Variants in EMP2 observed in about 807,000 individuals in gnomAD.
EMP2 encodes the protein epithelial membrane protein 2.
EMP2 carries 19 observed loss-of-function variants against 13.7 expected under a neutral mutation model. The observed-to-expected ratio is 1.38, with a 90% CI of 0.97 to 2.03. EMP2 has a LOEUF of 2.03. EMP2 is among the 30% of genes most tolerant of loss of function. The pLI, the probability that EMP2 is intolerant of heterozygous loss-of-function variation, is 0.00. For synonymous variants in EMP2, 97 were observed against 84.7 expected (o/e 1.15, Z -0.80); for missense variants, 253 against 220.7 (o/e 1.15, Z -0.93).
At chr16:10,537,141 T>C (rs922328756) in intron 4 of EMP2, among the ~76,000 whole-genome samples, 3 of 152,182 alleles carry the variant, frequency 2.0e-5, no homozygotes, top group African/African-American at 4.8e-5. Context: ...CAACTCCTGA[T>C]TGGAAAGCAC....
rs58318805 is a variant in EMP2, at chr16:10,529,931, C to CAAAAAAAAAA, written c.*2964_*2973dup. On this transcript the variant is annotated 3_prime_UTR_variant, in exon 5 of 5. Transcript: ENST00000359543. ...GGGCAACAAGAGCAAAACTCAGTCT[C>CAAAAAAAAAA]AAAAAAAAAAAAAAAAAAGAAAAAG... 1.3e-5 allele frequency: 1 copy of CAAAAAAAAAA among 75,414 alleles called. No individual in the cohort carries two copies. The highest frequency in any genetic ancestry group is 4.3e-5 in the African/African-American group (1 of 23,200). The allele number at this position is 75,414 out of a possible 1,614,324, so 4.7% of individuals were successfully genotyped here. A position where few individuals can be genotyped will look rare whatever the true frequency, so the allele number is the denominator to read the frequency against.
In EMP2 at chr16:10,547,633, C is replaced by T. The variant is rs368745119; in HGVS notation, c.-16G>A. On this transcript the variant is annotated 5_prime_UTR_variant, in exon 2 of 5. Coordinates refer to ENST00000359543, the MANE Select transcript of EMP2 (RefSeq NM_001424.6). Reference sequence around the variant, plus strand: ...GCACCAACATTTTCACAGGGCAGGGCGAGTCGAGGCGAGGGGTCACGTTTA... The same window carrying T: ...GCACCAACATTTTCACAGGGCAGGGTGAGTCGAGGCGAGGGGTCACGTTTA... The T allele has an allele frequency of 2.0e-4, 318 of 1,613,592 alleles. 1 individual carries two copies. The highest frequency in any genetic ancestry group is 5.3e-4 in the South Asian group (48 of 91,014).
In EMP2 at chr16:10,530,937, T is replaced by A. The variant is rs1194513931; in HGVS notation, c.*1968A>T. 1 of 152,210 alleles carries A rather than the reference T, an allele frequency of 6.6e-6. No individual in the cohort carries two copies. Among genetic ancestry groups the A allele is most frequent in the Admixed American group, 6.5e-5 (1 of 15,284 alleles). 9.4% of individuals were successfully genotyped at this position (152,210 alleles called of 1,614,324 possible). On this transcript the variant is annotated 3_prime_UTR_variant, in exon 5 of 5. Transcript: ENST00000359543. ...AGGAGCATTTAATAATAGGCACGCG[T>A]AAAGCAGCCTCCCTACCATGCCACA... is the stretch of plus-strand genomic sequence containing the variant.
chr16:10,576,892 C>T (rs1207552871), intron 1 of EMP2: 1 of 152,326 alleles, frequency 6.6e-6, no homozygotes, highest in East Asian at 1.9e-4. Flanking sequence ...GCCAGCATTC[C>T]CAGGGTTCAA....
In EMP2 at chr16:10,580,120, C is replaced by A. The variant is rs2051016872; in HGVS notation, c.-61+429G>T. Among the ~76,000 whole-genome samples the A allele has an allele frequency of 6.6e-6, 1 of 152,128 alleles. No individual in the cohort carries two copies. The highest frequency in any genetic ancestry group is 1.5e-5 in the Non-Finnish European group (1 of 68,004). ...AGCGGCGGGGGCCTAGAGGGGTACG[C>A]AGCCCAGGAGGACCCGCTGGCCCGG... On this transcript the variant is annotated intron_variant, in intron 1 of 4. Transcript: ENST00000359543. The surrounding 1 kb of genome is among the most constrained non-coding windows in gnomAD (Gnocchi z 4.3).
chr16:10,575,446 G>C (rs1384707877), intron 1 of EMP2, among the ~76,000 whole-genome samples: 1 of 151,334 alleles, frequency 6.6e-6, no homozygotes, highest in Non-Finnish European at 1.5e-5. Flanking sequence ...AGTAGAGACA[G>C]GGCTTCATTG....
rs945798317 is a variant in EMP2, at chr16:10,529,537, A to T, written c.*3368T>A. ...CAGACCGCATTCAACACAGATACTC[A>T]TGTAGCCCCGACGTTTCTTGTGAAG... On this transcript the variant is annotated 3_prime_UTR_variant, in exon 5 of 5. Coordinates refer to ENST00000359543, the MANE Select transcript of EMP2 (RefSeq NM_001424.6). The T allele has an allele frequency of 1.3e-5, 2 of 152,164 alleles. No individual in the cohort carries two copies. Among genetic ancestry groups the T allele is most frequent in the Non-Finnish European group, 2.9e-5 (2 of 68,036 alleles). 9.4% of individuals were successfully genotyped at this position (152,164 alleles called of 1,614,324 possible).
chr16:10,566,897 C>T (rs1301683584), intron 1 of EMP2, among the ~76,000 whole-genome samples: 2 of 152,126 alleles, frequency 1.3e-5, no homozygotes, highest in East Asian at 1.9e-4. Flanking sequence ...AACCAGTGCC[C>T]CTTCTTTGTC....
intron 1 of EMP2, among the ~76,000 whole-genome samples, chr16:10,554,379 C>T (rs2050811891): frequency 6.6e-6 from 1 of 152,102 alleles, no homozygotes. Flanking sequence ...GTGGAGAAGC[C>T]TTGATGTTAT....
At chr16:10,548,377 T>C (rs1249634641) in intron 1 of EMP2, among the ~76,000 whole-genome samples, 1 of 152,074 alleles carries the variant, frequency 6.6e-6, no homozygotes, top group Non-Finnish European at 1.5e-5. Context: ...AAATATTTCC[T>C]AACGATCTGA....
chr16:10,542,794 A>G (rs1161681621), intron 3 of EMP2, among the ~76,000 whole-genome samples: 2 of 152,228 alleles, frequency 1.3e-5, no homozygotes, highest in Non-Finnish European at 2.9e-5. Context: ...GTTGAAATTG[A>G]CATGCCCAAT....
chr16:10,539,200 C>T (rs1157709541), intron 3 of EMP2, among the ~76,000 whole-genome samples: 4 of 152,134 alleles, frequency 2.6e-5, no homozygotes, highest in South Asian at 2.1e-4. Flanking sequence ...GAGGGGACAG[C>T]GTCCACGCTG....
At chr16:10,579,373 A>C (rs2051007062) in intron 1 of EMP2, among the ~76,000 whole-genome samples, 1 of 152,172 alleles carries the variant, frequency 6.6e-6, no homozygotes, top group South Asian at 2.1e-4. Context: ...AATTTTTATG[A>C]TAAAATATGC....
intron 4 of EMP2, among the ~76,000 whole-genome samples, chr16:10,535,995 T>C (rs1404792823): frequency 2.6e-5 from 4 of 152,188 alleles, no homozygotes; most frequent in African/African-American, 7.2e-5. Flanking sequence ...CTTGGGAGTC[T>C]GCACTTTAGA....
At position 10,533,210 on chromosome 16, in the gene EMP2, T is replaced by G. The variant is rs959871171; in HGVS notation, c.317-118A>C. 4 of 1,033,478 alleles carry G rather than the reference T, an allele frequency of 3.9e-6. No homozygotes were observed. The African/African-American group carries it at 6.6e-5, about 17-fold the overall frequency. 64.0% of individuals were successfully genotyped at this position (1,033,478 alleles called of 1,614,324 possible). A position where few individuals can be genotyped will look rare whatever the true frequency, so the allele number is the denominator to read the frequency against. On this transcript the variant is annotated intron_variant, in intron 4 of 4. Transcript: ENST00000359543. ...TCAGCTTTTATTCTTTGTTTATTAT[T>G]ATTTTGTTGTAGAGACAAGATTTTG...
At chr16:10,545,845 G>T (rs9934400) in intron 2 of EMP2, 64,016 of 151,328 alleles carry the variant, frequency 0.42, 13,938 homozygotes, top group East Asian at 0.64. Context: ...AAAACGTTGG[G>T]GACCACTGCT....
chr16:10,567,880 G>A (rs1411106504), intron 1 of EMP2, among the ~76,000 whole-genome samples: 2 of 152,228 alleles, frequency 1.3e-5, no homozygotes, highest in Non-Finnish European at 2.9e-5. Flanking sequence ...AATATTGTCT[G>A]CTTGGGTTCA....
chr16:10,551,896 C>T (rs983362543), intron 1 of EMP2, among the ~76,000 whole-genome samples: 1 of 152,114 alleles, frequency 6.6e-6, no homozygotes, highest in African/African-American at 2.4e-5. Context: ...GGGTCCACTC[C>T]TTGAGACCCA....
intron 1 of EMP2, among the ~76,000 whole-genome samples, chr16:10,572,587 G>T (rs2050955972): frequency 6.6e-6 from 1 of 152,096 alleles, no homozygotes; most frequent in African/African-American, 2.4e-5. Context: ...ATATTAGAAT[G>T]AACACGTGAG....
Sources: gnomAD v4.1 joint callset for allele counts (sites outside exome capture counted in the v4.1 genomes callset) on GRCh38, gnomAD v4.1.1 for gene constraint, Gnocchi (gnomAD v3.1) non-coding constraint, MANE v1.5 for transcripts, NCBI Gene and HGNC (gene_info 2026-07-23, HGNC 2026-07-21) for gene names.